Variants in ZNF182 observed in about 807,000 individuals in gnomAD.
ZNF182 encodes the protein zinc finger protein 182, also known as zinc finger protein 21 (KOX 14).
Under a neutral mutation model 28.1 loss-of-function variants are expected in ZNF182, and 10 were observed. That is an observed-to-expected ratio of 0.36 (90% CI 0.22 to 0.60). The LOEUF is 0.60. ZNF182 is among the 20% of genes least tolerant of loss of function. The pLI, the probability that ZNF182 is intolerant of heterozygous loss-of-function variation, is 0.75. For missense variants in ZNF182, 352 were observed against 453.2 expected (o/e 0.78, Z 2.03); for synonymous variants, 156 against 158.7 (o/e 0.98, Z 0.13).
At chrX:48,002,559 A>G (rs782381990) in intron 3 of ZNF182, 36 bp downstream of exon 3, 1 of 1,207,266 alleles carries the variant, frequency 8.3e-7, no homozygotes, top group Non-Finnish European at 1.1e-6. Flanking sequence ...CATCCACAGT[A>G]AAATAGAGGA....
intron 5 of ZNF182, among the ~76,000 whole-genome samples, chrX:47,981,595 C>A (rs145969239): frequency 0.025 from 2,801 of 112,291 alleles, 43 homozygotes; most frequent in African/African-American, 0.051. Context: ...GAAGCAATTT[C>A]TCTTTATAGA....
rs782122359 is a variant in ZNF182 at position 47,977,735 on chromosome X, G to A, written c.295C>T (p.Leu99=). 1.7e-6 allele frequency: 2 copies of A among 1,204,342 alleles called. No homozygotes were observed. Among genetic ancestry groups the A allele is most frequent in the Non-Finnish European group, 2.2e-6 (2 of 891,684 alleles). Residue 99 remains leucine (L), a synonymous_variant, in exon 6 of 6, where the codon CTG becomes TTG. Transcript: ENST00000376943. ...TTGTCAGAAAATCCAACTTGCATCA[G>A]CAGACATTTATCTTGGTCATCCTGA... ...QHQDDQDKCL[L]MQVGFSDKKT...
At chrX:47,979,492 G>A (rs2058896917) in intron 5 of ZNF182, among the ~76,000 whole-genome samples, 1 of 110,655 alleles carries the variant, frequency 9.0e-6, no homozygotes, top group Non-Finnish European at 1.9e-5. Context: ...TCAGGCAAGT[G>A]ATCTAAACTA....
Position 47,977,744 on chromosome X carries a change from TATCTTG to T in ZNF182, c.280_285del (p.Gln94_Asp95del). Reference sequence around the variant, plus strand: ...AATCCAACTTGCATCAGCAGACATTTATCTTGGTCATCCTGATGTTGCCTCTCAATC... The same window carrying T: ...AATCCAACTTGCATCAGCAGACATTTGTCATCCTGATGTTGCCTCTCAATC... On this transcript the variant is annotated inframe_deletion, in exon 6 of 6. Coordinates refer to ENST00000376943, the MANE Select transcript of ZNF182 (RefSeq NM_001007088.2). The T allele has an allele frequency of 8.3e-7, 1 of 1,200,684 alleles. No individual in the cohort carries two copies. Among genetic ancestry groups the T allele is most frequent in the Non-Finnish European group, 1.1e-6 (1 of 889,563 alleles).
intron 3 of ZNF182, among the ~76,000 whole-genome samples, chrX:47,993,915 T>C (rs2058949923): frequency 1.8e-5 from 2 of 111,223 alleles, no homozygotes; most frequent in South Asian, 7.5e-4. Context: ...TCCAAATTCA[T>C]ATCATTGCCA....
At chrX:48,003,441 C>T (rs868984624) in intron 2 of ZNF182, 67 bp downstream of exon 2, 2 of 112,750 alleles carry the variant, frequency 1.8e-5, no homozygotes, top group Admixed American at 9.3e-5. Flanking sequence ...TCCTCCCACG[C>T]CCCCAACTTG....
intron 3 of ZNF182, among the ~76,000 whole-genome samples, chrX:47,987,297 T>C (rs1470139246): frequency 2.7e-5 from 3 of 112,098 alleles, no homozygotes; most frequent in African/African-American, 9.7e-5. Context: ...GTATGTTGTA[T>C]ACAGGAAATA....
chrX:47,983,553 C>T, intron 3 of ZNF182, 142 bp from the exon 4 acceptor site: 1 of 653,296 alleles, frequency 1.5e-6, no homozygotes. Flanking sequence ...TAGTGATCTA[C>T]TTTGTGGGAG....
At position 47,976,363 on chromosome X, in the gene ZNF182, C is replaced by A; in HGVS notation, c.1667G>T (p.Cys556Phe). 1 of 1,208,640 alleles carries A rather than the reference C, an allele frequency of 8.3e-7. No homozygotes were observed. Among genetic ancestry groups the A allele is most frequent in the Non-Finnish European group, 1.1e-6 (1 of 894,448 alleles). The part of the protein sequence containing the change: ...TGEKPYACTE[C>F]GKAFREKSTF... The stretch of plus-strand genomic sequence containing the variant: ...TGACTTTTCTCGGAAGGCTTTGCCA[C>A]ACTCAGTGCATGCATAGGGTTTCTC... The change falls in exon 6 of 6, where the codon TGT (cysteine) becomes TTT (phenylalanine). Residue 556 changes from cysteine (C) to phenylalanine (F), a missense_variant. Cys to Phe is a radical substitution (Grantham distance 205, BLOSUM62 -2). Transcript: ENST00000376943.
intron 3 of ZNF182, among the ~76,000 whole-genome samples, chrX:47,997,547 CT>C (rs2058963391): frequency 9.0e-6 from 1 of 110,946 alleles, no homozygotes; most frequent in Non-Finnish European, 1.9e-5. Flanking sequence ...AATCCCAGCA[CT>C]TTGGGAGGCC....
intron 3 of ZNF182, among the ~76,000 whole-genome samples, chrX:47,986,734 G>A (rs1444222431): frequency 9.0e-6 from 1 of 111,686 alleles, no homozygotes; most frequent in Non-Finnish European, 1.9e-5. Flanking sequence ...CTCAGTCTGG[G>A]TGGGTACCAT....
intron 2 of ZNF182, among the ~76,000 whole-genome samples, chrX:48,003,070 T>A (rs1204231644): frequency 8.9e-6 from 1 of 112,129 alleles, no homozygotes; most frequent in Non-Finnish European, 1.9e-5. Flanking sequence ...AAAAGCGTTA[T>A]ATGGAACTGT....
At chrX:47,982,836 A>T in intron 5 of ZNF182, 113 bp downstream of exon 5, 1 of 700,880 alleles carries the variant, frequency 1.4e-6, no homozygotes. Context: ...CAACAGTGCC[A>T]AGGGCCAGAA....
chrX:48,001,197 G>A (rs5906529), intron 3 of ZNF182, among the ~76,000 whole-genome samples: 12,978 of 111,907 alleles, frequency 0.12, 746 homozygotes, highest in Middle Eastern at 0.2. Flanking sequence ...TTACTCCACA[G>A]AAATGAAAAC....
intron 3 of ZNF182, among the ~76,000 whole-genome samples, chrX:47,997,512 G>C (rs908691109): frequency 7.2e-5 from 8 of 110,398 alleles, no homozygotes; most frequent in Non-Finnish European, 5.7e-5. Flanking sequence ...AAATTCACCG[G>C]CCAGGCACAG....
At chrX:48,002,398 C>G (rs189529780) in intron 3 of ZNF182, 197 bp downstream of exon 3, 2 of 551,138 alleles carry the variant, frequency 3.6e-6, no homozygotes, top group African/African-American at 4.6e-5. Flanking sequence ...GAGAAACTGA[C>G]AGCCCAACAT....
At chrX:48,001,410 C>T (rs782437921) in intron 3 of ZNF182, among the ~76,000 whole-genome samples, 1 of 112,282 alleles carries the variant, frequency 8.9e-6, no homozygotes, top group Non-Finnish European at 1.9e-5. Context: ...GGGAATTGTG[C>T]TGAGTGGAAA....
chrX:47,981,990 CAT>C (rs1272511231), intron 5 of ZNF182, among the ~76,000 whole-genome samples: 1 of 110,306 alleles, frequency 9.1e-6, no homozygotes, highest in African/African-American at 3.3e-5. Context: ...AGAAACAAAA[CAT>C]ATATCACCAC....
rs1274423650 is a variant in ZNF182 at position 47,975,361 on chromosome X, A to T, written c.*806T>A. ...TACATGTGTGAGTATGTACATTCCT[A>T]GAAGTGGAATTGCTGGCCCAAAAAC... On this transcript the variant is annotated 3_prime_UTR_variant, in exon 6 of 6. Coordinates refer to ENST00000376943, the MANE Select transcript of ZNF182 (RefSeq NM_001007088.2). 5 of 112,312 alleles carry T rather than the reference A, an allele frequency of 4.5e-5. No homozygotes were observed. The highest frequency in any genetic ancestry group is 1.6e-4 in the African/African-American group (5 of 30,814). 9.3% of individuals were successfully genotyped at this position (112,312 alleles called of 1,213,427 possible). A position where few individuals can be genotyped will look rare whatever the true frequency, so the allele number is the denominator to read the frequency against.
Sources: allele counts gnomAD v4.1 joint callset (sites outside exome capture counted in the v4.1 genomes callset), GRCh38; gene constraint gnomAD v4.1.1; transcripts MANE v1.5; gene names NCBI Gene and HGNC (gene_info 2026-07-23, HGNC 2026-07-21).